Variants in MEOX2 observed in about 807,000 individuals in gnomAD.
The protein encoded by MEOX2 is mesenchyme homeobox 2.
In MEOX2, 11 loss-of-function variants were observed where a neutral mutation model predicts 27.0. The observed-to-expected ratio is 0.41, with a 90% confidence interval of 0.26 to 0.68. MEOX2 has a LOEUF of 0.68. Ranked by LOEUF, MEOX2 falls within the 30% of genes least tolerant of loss-of-function variation. The pLI is 0.33. For synonymous variants in MEOX2, 189 were observed against 155.4 expected (o/e 1.22, Z -1.61); for missense variants, 436 against 385.4 (o/e 1.13, Z -1.10).
intron 1 of MEOX2, among the ~76,000 whole-genome samples, chr7:15,678,648 A>G (rs1218561228): frequency 6.6e-6 from 1 of 152,198 alleles, no homozygotes; most frequent in Non-Finnish European, 1.5e-5. Flanking sequence ...AGCTACCTCA[A>G]CAGACTCTGA....
At chr7:15,671,467 T>C (rs981209291) in intron 1 of MEOX2, among the ~76,000 whole-genome samples, 6 of 152,218 alleles carry the variant, frequency 3.9e-5, no homozygotes, top group African/African-American at 1.4e-4. Flanking sequence ...ATTGCACAAG[T>C]AAACTTATTG....
chr7:15,664,801 G>A (rs1781973262), intron 1 of MEOX2, among the ~76,000 whole-genome samples: 1 of 152,044 alleles, frequency 6.6e-6, no homozygotes, highest in East Asian at 1.9e-4. Context: ...CAAGGTTTGA[G>A]ATTTGTTAGA....
At chr7:15,674,916 A>AT (rs1286413115) in intron 1 of MEOX2, among the ~76,000 whole-genome samples, 3 of 152,274 alleles carry the variant, frequency 2.0e-5, no homozygotes, top group African/African-American at 7.2e-5. Flanking sequence ...ACTATATTAA[A>AT]TTTTTTAAAA....
Position 15,658,659 on chromosome 7 carries a change from T to G in MEOX2, c.517+27227A>C, listed in dbSNP as rs148381357. On this transcript the variant is annotated intron_variant, in intron 1 of 2. Transcript: ENST00000262041. ...GTGATGGTATTTTGAGTTGGGGCTT[T>G]TGGGAGGTAATAGGTCACAAGACTG... 5.2e-3 allele frequency among the ~76,000 whole-genome samples: 789 copies of G among 152,168 alleles called. 5 individuals are homozygous for G. The highest frequency in any genetic ancestry group is 0.018 in the African/African-American group (746 of 41,530).
chr7:15,624,728 T>C (rs1373069073), intron 2 of MEOX2, among the ~76,000 whole-genome samples: 9 of 152,112 alleles, frequency 5.9e-5, no homozygotes, highest in African/African-American at 2.2e-4. Flanking sequence ...ATCTCTAACC[T>C]ACAAAACCTA....
intron 1 of MEOX2, among the ~76,000 whole-genome samples, chr7:15,639,307 C>G (rs917574354): frequency 1.3e-5 from 2 of 151,932 alleles, no homozygotes; most frequent in African/African-American, 4.8e-5. Context: ...TGTCCTTTTT[C>G]TACTTTATAA....
At chr7:15,631,322 T>C (rs1245752357) in intron 1 of MEOX2, among the ~76,000 whole-genome samples, 1 of 151,908 alleles carries the variant, frequency 6.6e-6, no homozygotes, top group Non-Finnish European at 1.5e-5. Flanking sequence ...CTCAATATCT[T>C]GATTATTCTT....
chr7:15,666,334 G>A (rs1448861011), intron 1 of MEOX2, among the ~76,000 whole-genome samples: 3 of 152,156 alleles, frequency 2.0e-5, no homozygotes, highest in African/African-American at 7.2e-5. Flanking sequence ...AACCAGCTAT[G>A]AAAATCTCCT....
chr7:15,630,755 G>A lies in MEOX2; in HGVS notation c.518-3837C>T, dbSNP rs186142209. On this transcript the variant is annotated intron_variant, in intron 1 of 2. Transcript: ENST00000262041. ...TAATTTTTACGTAGGCATAGGGATT[G>A]TGGATGGAGTCAGAAAAATTTATGA... Among the ~76,000 whole-genome samples the A allele has an allele frequency of 1.5e-3, 235 of 152,160 alleles. 2 individuals are homozygous for A. The highest frequency in any genetic ancestry group is 5.3e-3 in the African/African-American group (219 of 41,550).
At chr7:15,662,013 A>G (rs535958584) in intron 1 of MEOX2, among the ~76,000 whole-genome samples, 3 of 152,142 alleles carry the variant, frequency 2.0e-5, no homozygotes, top group South Asian at 2.1e-4. Flanking sequence ...TTTCATTTTC[A>G]TCTGAAGCAA....
intron 1 of MEOX2, 36 bp downstream of exon 1, chr7:15,685,850 G>A (rs758856274): frequency 6.5e-7 from 1 of 1,546,308 alleles, no homozygotes; most frequent in Non-Finnish European, 8.7e-7. Context: ...TTTCCAGCCC[G>A]GCGCGCACTC....
intron 1 of MEOX2, among the ~76,000 whole-genome samples, chr7:15,685,389 C>T (rs1295294757): frequency 6.6e-6 from 1 of 151,876 alleles, no homozygotes; most frequent in Admixed American, 6.6e-5. Context: ...TTCTCATGCG[C>T]TCTGCCAAGT....
intron 1 of MEOX2, among the ~76,000 whole-genome samples, chr7:15,642,029 A>G (rs1781569858): frequency 6.6e-6 from 1 of 152,076 alleles, no homozygotes; most frequent in Non-Finnish European, 1.5e-5. Context: ...TATTTTCTTT[A>G]TCGGTCTTTA....
At chr7:15,662,995 A>C (rs1781940232) in intron 1 of MEOX2, among the ~76,000 whole-genome samples, 1 of 152,128 alleles carries the variant, frequency 6.6e-6, no homozygotes, top group African/African-American at 2.4e-5. Flanking sequence ...CATTTTATCA[A>C]ATAATTCAAG....
chr7:15,656,804 G>A (rs1253564589), intron 1 of MEOX2, among the ~76,000 whole-genome samples: 2 of 151,630 alleles, frequency 1.3e-5, no homozygotes, highest in Admixed American at 1.3e-4. Flanking sequence ...TCCTTTTGAT[G>A]TTCTAAGATT....
chr7:15,626,616 C>A, intron 2 of MEOX2, 130 bp downstream of exon 2: 1 of 537,100 alleles, frequency 1.9e-6, no homozygotes, highest in East Asian at 2.9e-5. Flanking sequence ...AAAATTTTAT[C>A]ATGGAATAGT....
intron 1 of MEOX2, among the ~76,000 whole-genome samples, chr7:15,677,900 C>T: frequency 6.6e-6 from 1 of 152,150 alleles, no homozygotes; most frequent in Non-Finnish European, 1.5e-5. Context: ...AGTGTTGCCA[C>T]TTACTTATAC....
At chr7:15,621,146 G>T (rs576011189) in intron 2 of MEOX2, among the ~76,000 whole-genome samples, 1 of 152,194 alleles carries the variant, frequency 6.6e-6, no homozygotes, top group South Asian at 2.1e-4. Context: ...CAAATCATTC[G>T]GGGTGACTCT....
chr7:15,631,624 T>A (rs1781404062), intron 1 of MEOX2, among the ~76,000 whole-genome samples: 1 of 151,830 alleles, frequency 6.6e-6, no homozygotes, highest in Admixed American at 6.6e-5. Flanking sequence ...CACCACTCAT[T>A]CTTAAAATGA....
Sources: allele counts gnomAD v4.1 joint callset (sites outside exome capture counted in the v4.1 genomes callset), GRCh38; gene constraint gnomAD v4.1.1; transcripts MANE v1.5; gene names NCBI Gene and HGNC (gene_info 2026-07-23, HGNC 2026-07-21).